RALGPS2: variants seen among roughly 807,000 people sequenced by gnomAD.
RALGPS2 encodes Ral GEF with PH domain and SH3 binding motif 2, also known as ras-specific guanine nucleotide-releasing factor RalGPS2.
A neutral mutation model predicts 86.8 loss-of-function variants in RALGPS2; 43 were observed. The observed-to-expected ratio is 0.50, with a 90% CI of 0.39 to 0.64. The LOEUF (loss-of-function observed/expected upper bound fraction) is 0.64. RALGPS2 is among the 30% of genes least tolerant of loss of function. The pLI is 0.00. For missense variants in RALGPS2, 536 were observed against 694.6 expected (o/e 0.77, Z 2.57); for synonymous variants, 243 against 231.3 (o/e 1.05, Z -0.46).
At chr1:178,834,027 C>T (rs985716983) in intron 8 of RALGPS2, among the ~76,000 whole-genome samples, 1 of 152,114 alleles carries the variant, frequency 6.6e-6, no homozygotes, top group Admixed American at 6.5e-5. Context: ...TTCTGTATTT[C>T]GCATCTCATC....
At chr1:178,806,565 T>G (rs1273994165) in intron 4 of RALGPS2, among the ~76,000 whole-genome samples, 1 of 152,176 alleles carries the variant, frequency 6.6e-6, no homozygotes, top group Admixed American at 6.5e-5. Context: ...GTCACCTTTA[T>G]TTCACAACTC....
chr1:178,761,936 G>A (rs1455870969), intron 1 of RALGPS2, among the ~76,000 whole-genome samples: 2 of 152,134 alleles, frequency 1.3e-5, no homozygotes, highest in East Asian at 1.9e-4. Flanking sequence ...GGGGTTTGAT[G>A]TATAGATTTG....
intron 8 of RALGPS2, among the ~76,000 whole-genome samples, chr1:178,836,568 T>A (rs1656281639): frequency 6.6e-6 from 1 of 152,180 alleles, no homozygotes; most frequent in Non-Finnish European, 1.5e-5. Context: ...ACTTCCTGGT[T>A]GAAACATTTT....
chr1:178,775,507 CAA>C (rs779089122), intron 1 of RALGPS2, among the ~76,000 whole-genome samples: 40 of 152,016 alleles, frequency 2.6e-4, no homozygotes, highest in Non-Finnish European at 5.3e-4. Context: ...TGTCATTTTA[CAA>C]AGAGGAAGAA....
At chr1:178,883,846 G>A (rs982767546) in intron 11 of RALGPS2, among the ~76,000 whole-genome samples, 1 of 152,042 alleles carries the variant, frequency 6.6e-6, no homozygotes, top group Non-Finnish European at 1.5e-5. Context: ...AAAATTAGCC[G>A]GGTGTGGTGG....
chr1:178,903,784 C>CAATTGTG (rs1221034155), intron 18 of RALGPS2, among the ~76,000 whole-genome samples: 1 of 152,126 alleles, frequency 6.6e-6, no homozygotes, highest in African/African-American at 2.4e-5. Flanking sequence ...CATGATTTTG[C>CAATTGTG]AATTGTGAAT....
At position 178,736,528 on chromosome 1, in the gene RALGPS2, T is replaced by C. The variant is rs902648620; in HGVS notation, c.-84+11109T>C. 8.5e-5 allele frequency among the ~76,000 whole-genome samples: 13 copies of C among 152,334 alleles called. No homozygotes were observed. In the East Asian group the frequency reaches 2.1e-3, roughly 25 times the overall value. On this transcript the variant is annotated intron_variant, in intron 1 of 19. Coordinates refer to ENST00000367635, the MANE Select transcript of RALGPS2 (RefSeq NM_152663.5). ...TCATATGTGTGATATTATACTACTT[T>C]CTCCAATTTTCTCTTCACATCCTAC... is the stretch of plus-strand genomic sequence containing the variant.
At chr1:178,856,248 GT>G (rs1240093156) in intron 8 of RALGPS2, among the ~76,000 whole-genome samples, 3 of 127,702 alleles carry the variant, frequency 2.3e-5, no homozygotes, top group African/African-American at 1.0e-4. Context: ...TTTGGGTTTT[GT>G]TTTTTTTGGA....
At chr1:178,901,685 CAA>C (rs574365904) in intron 17 of RALGPS2, among the ~76,000 whole-genome samples, 14 of 119,694 alleles carry the variant, frequency 1.2e-4, no homozygotes, top group African/African-American at 9.2e-5. Context: ...GAGACTGTCT[CAA>C]AAAAAAAAAA....
chr1:178,759,210 G>A (rs1036674870), intron 1 of RALGPS2, among the ~76,000 whole-genome samples: 4 of 152,094 alleles, frequency 2.6e-5, no homozygotes, highest in East Asian at 1.9e-4. Context: ...TCAGGTCTTC[G>A]ATTTAAGTCT....
At position 178,761,429 on chromosome 1, in the gene RALGPS2, C is replaced by CA. The variant is rs1230859254; in HGVS notation, c.-83-15239dup. On this transcript the variant is annotated intron_variant, in intron 1 of 19. Coordinates refer to ENST00000367635, the MANE Select transcript of RALGPS2 (RefSeq NM_152663.5). The stretch of plus-strand genomic sequence containing the variant: ...GGGCGACTTGAGTGACACTCTGTCT[C>CA]AAAAAAAAAAAAAATTCTTTTTGCT... Among the ~76,000 whole-genome samples, 345 of 135,754 alleles carry CA rather than the reference C, an allele frequency of 2.5e-3. 1 individual carries two copies. Among genetic ancestry groups the CA allele is most frequent in the Admixed American group, 3.5e-3 (47 of 13,496 alleles). The allele number at this position is 135,754 out of a possible 152,430, so 89.1% of individuals were successfully genotyped here. A position where few individuals can be genotyped will look rare whatever the true frequency, so the allele number is the denominator to read the frequency against.
intron 8 of RALGPS2, chr1:178,853,796 T>C: frequency 1.3e-6 from 2 of 1,541,618 alleles, no homozygotes; most frequent in South Asian, 1.3e-5. Context: ...TCCTATAATT[T>C]AAATATCATT....
At chr1:178,863,013 A>T (rs1388674280) in intron 8 of RALGPS2, among the ~76,000 whole-genome samples, 1 of 152,334 alleles carries the variant, frequency 6.6e-6, no homozygotes, top group East Asian at 1.9e-4. Flanking sequence ...CAATTGTTAA[A>T]TCTTATGCAG....
chr1:178,771,961 G>GGTAC (rs1652830288), intron 1 of RALGPS2, among the ~76,000 whole-genome samples: 1 of 152,116 alleles, frequency 6.6e-6, no homozygotes, highest in South Asian at 2.1e-4. Context: ...TCACATTCCA[G>GGTAC]GTACAAGAGA....
At chr1:178,893,305 C>A (rs1432908369) in intron 15 of RALGPS2, among the ~76,000 whole-genome samples, 1 of 149,884 alleles carries the variant, frequency 6.7e-6, no homozygotes, top group Non-Finnish European at 1.5e-5. Flanking sequence ...TTTTTCCTTT[C>A]GTGGAGAGCT....
At chr1:178,879,125 G>T in intron 10 of RALGPS2, 133 bp downstream of exon 10, 1 of 1,246,346 alleles carries the variant, frequency 8.0e-7, no homozygotes, top group Non-Finnish European at 1.1e-6. Flanking sequence ...AGCAGTAAAG[G>T]TACTAACATG....
chr1:178,751,929 C>T (rs1027366625), intron 1 of RALGPS2, among the ~76,000 whole-genome samples: 11 of 151,960 alleles, frequency 7.2e-5, no homozygotes, highest in African/African-American at 2.7e-4. Flanking sequence ...GTTTTTTTTC[C>T]TAGTCGGTTG....
At chr1:178,858,082 G>A (rs960360996) in intron 8 of RALGPS2, among the ~76,000 whole-genome samples, 1 of 152,106 alleles carries the variant, frequency 6.6e-6, no homozygotes, top group African/African-American at 2.4e-5. Flanking sequence ...TGTAGTTGAA[G>A]TTCTTTTCCA....
chr1:178,795,248 A>C (rs1192984054), intron 4 of RALGPS2, among the ~76,000 whole-genome samples: 1 of 152,088 alleles, frequency 6.6e-6, no homozygotes, highest in Non-Finnish European at 1.5e-5. Context: ...ATTAAGTCAG[A>C]CATTTAGATT....
Sources: gnomAD v4.1 joint callset for allele counts (sites outside exome capture counted in the v4.1 genomes callset) on GRCh38, gnomAD v4.1.1 for gene constraint, MANE v1.5 for transcripts, NCBI Gene and HGNC (gene_info 2026-07-23, HGNC 2026-07-21) for gene names.